PDE12: variants seen among roughly 807,000 people sequenced by gnomAD.
PDE12 encodes the protein 2',5'-phosphodiesterase 12.
A neutral mutation model predicts 45.4 loss-of-function variants in PDE12; 26 were observed. The ratio of observed to expected loss-of-function variants is 0.57; its 90% confidence interval spans 0.42 to 0.79. PDE12 has a LOEUF of 0.79. Ranked by LOEUF, PDE12 falls within the 30% of genes least tolerant of loss-of-function variation. The probability of loss-of-function intolerance (pLI) is 0.00; values close to 1 mark genes in which losing one functional copy is unlikely to be tolerated. For synonymous variants in PDE12, 283 were observed against 323.9 expected (o/e 0.87, Z 1.36); for missense variants, 668 against 790.0 (o/e 0.85, Z 1.85).
the PDE12 span, among the ~76,000 whole-genome samples, chr3:57,594,936 G>A: frequency 3.3e-5 from 5 of 152,138 alleles, no homozygotes; most frequent in African/African-American, 1.2e-4. Context: ...TTCCTTTGAT[G>A]AGTTACCATA....
the PDE12 span, among the ~76,000 whole-genome samples, chr3:57,649,530 T>A: frequency 2.9e-3 from 406 of 138,814 alleles, no homozygotes; most frequent in East Asian, 5.1e-3. Context: ...AAGGAAGTCA[T>A]AAAAAAAAAA....
At chr3:57,630,339 G>C in the PDE12 span, 1 of 1,251,730 alleles carries the variant, frequency 8.0e-7, no homozygotes, top group Non-Finnish European at 1.1e-6. Flanking sequence ...AGTGGATAAA[G>C]GGTACAATCT....
In PDE12 at chr3:57,562,746, C is replaced by T. The variant is rs1378233273; in HGVS notation, c.*2742C>T. 4 of 152,104 alleles carry T rather than the reference C, an allele frequency of 2.6e-5. No homozygotes were observed. Among genetic ancestry groups the T allele is most frequent in the African/African-American group, 9.7e-5 (4 of 41,406 alleles). 9.4% of individuals were successfully genotyped at this position (152,104 alleles called of 1,614,324 possible). ...TTAAAATGAACTCTTGCACAGTTGCCGCTACAGCAAATGTGTCTGCCAATA... is the reference window on the plus strand; with the variant it reads ...TTAAAATGAACTCTTGCACAGTTGCTGCTACAGCAAATGTGTCTGCCAATA... On this transcript the variant is annotated 3_prime_UTR_variant, in exon 3 of 3. Coordinates refer to ENST00000311180, the MANE Select transcript of PDE12 (RefSeq NM_177966.7).
At chr3:57,630,879 GTTAA>G in the PDE12 span, 10 of 1,610,616 alleles carry the variant, frequency 6.2e-6, no homozygotes, top group African/African-American at 1.2e-4. Flanking sequence ...GTTCACAGAA[GTTAA>G]TTACAGTTAG....
In PDE12 at chr3:57,560,963, T is replaced by A; in HGVS notation, c.*959T>A. 2 of 978,456 alleles carry A rather than the reference T, an allele frequency of 2.0e-6. No homozygotes were observed. Among genetic ancestry groups the A allele is most frequent in the Non-Finnish European group, 2.4e-6 (2 of 823,208 alleles). The allele number at this position is 978,456 out of a possible 1,614,324, so 60.6% of individuals were successfully genotyped here. A position where few individuals can be genotyped will look rare whatever the true frequency, so the allele number is the denominator to read the frequency against. On this transcript the variant is annotated 3_prime_UTR_variant, in exon 3 of 3. Coordinates refer to ENST00000311180, the MANE Select transcript of PDE12 (RefSeq NM_177966.7). ...TTGCTTCTCATCTTTCATTTTTCAA[T>A]GAACAAGTAAGGTATTTTCATTCTT...
chr3:57,629,488 TA>T, the PDE12 span, among the ~76,000 whole-genome samples: 577 of 123,906 alleles, frequency 4.7e-3, 3 homozygotes, highest in African/African-American at 0.016. Flanking sequence ...ATACAGAACA[TA>T]AAAAAAAAAT....
At chr3:57,617,576 G>GCTCACACCTGGCCC in the PDE12 span, among the ~76,000 whole-genome samples, 1 of 151,966 alleles carries the variant, frequency 6.6e-6, no homozygotes, top group African/African-American at 2.4e-5. Flanking sequence ...ATCAAGAGTG[G>GCTCACACCTGGCCC]ATAGGGCCAG....
At chr3:57,651,327 AT>A in the PDE12 span, among the ~76,000 whole-genome samples, 1 of 152,202 alleles carries the variant, frequency 6.6e-6, no homozygotes, top group African/African-American at 2.4e-5. Context: ...TAACCCCCTT[AT>A]AAGTCTAGGA....
chr3:57,606,135 T>G, the PDE12 span, among the ~76,000 whole-genome samples: 1 of 152,082 alleles, frequency 6.6e-6, no homozygotes, highest in Non-Finnish European at 1.5e-5. Flanking sequence ...TATAGATGCT[T>G]TACTAAGTCC....
the PDE12 span, chr3:57,583,862 C>G: frequency 7.0e-7 from 1 of 1,434,406 alleles, no homozygotes; most frequent in Non-Finnish European, 9.7e-7. Context: ...ATGAAACCCA[C>G]AAAGAAAAGT....
the PDE12 span, chr3:57,630,735 G>A: frequency 6.2e-6 from 10 of 1,613,622 alleles, no homozygotes; most frequent in East Asian, 4.5e-5. Context: ...CAATCCAATC[G>A]CCTTTTATTC....
chr3:57,607,321 A>C, the PDE12 span, among the ~76,000 whole-genome samples: 1 of 152,272 alleles, frequency 6.6e-6, no homozygotes, highest in Non-Finnish European at 1.5e-5. Context: ...GAAAATTCTA[A>C]AAATCAGAGC....
At chr3:57,610,821 T>C in the PDE12 span, among the ~76,000 whole-genome samples, 1 of 152,140 alleles carries the variant, frequency 6.6e-6, no homozygotes, top group Non-Finnish European at 1.5e-5. Flanking sequence ...CAAGGTAATT[T>C]ATAGATTCAA....
chr3:57,624,112 C>A, the PDE12 span, among the ~76,000 whole-genome samples: 7 of 151,954 alleles, frequency 4.6e-5, no homozygotes, highest in Non-Finnish European at 1.0e-4. Context: ...CTTAGCCTCC[C>A]AAGTAGCTGG....
At chr3:57,639,550 T>G in the PDE12 span, among the ~76,000 whole-genome samples, 4 of 152,172 alleles carry the variant, frequency 2.6e-5, no homozygotes, top group African/African-American at 9.7e-5. Context: ...TTTAAAAAAA[T>G]TTATCATATC....
chr3:57,597,767 C>T, the PDE12 span: 1 of 152,602 alleles, frequency 6.6e-6, no homozygotes, highest in African/African-American at 2.4e-5. Flanking sequence ...GGAACCTCGC[C>T]CTCTTCTATT....
the PDE12 span, among the ~76,000 whole-genome samples, chr3:57,638,430 G>A: frequency 2.0e-5 from 3 of 151,724 alleles, no homozygotes; most frequent in South Asian, 6.2e-4. Flanking sequence ...GGCCAAGGCG[G>A]GTGGATCACC....
chr3:57,612,188 C>A, the PDE12 span, among the ~76,000 whole-genome samples: 1 of 134,866 alleles, frequency 7.4e-6, no homozygotes, highest in African/African-American at 2.9e-5. Context: ...GGGAATTGAA[C>A]AATGAGAACA....
At chr3:57,580,288 T>C in the PDE12 span, among the ~76,000 whole-genome samples, 1 of 152,160 alleles carries the variant, frequency 6.6e-6, no homozygotes, top group Non-Finnish European at 1.5e-5. Flanking sequence ...CACAGAGATA[T>C]AAAAGATCAT....
Sources: allele counts gnomAD v4.1 joint callset (sites outside exome capture counted in the v4.1 genomes callset), GRCh38; gene constraint gnomAD v4.1.1; transcripts MANE v1.5; gene names NCBI Gene and HGNC (gene_info 2026-07-23, HGNC 2026-07-21).